Variants in CYSLTR2 observed in about 807,000 individuals in gnomAD.
CYSLTR2 encodes G-protein coupled receptor GPCR21.
For synonymous variants in CYSLTR2, 179 were observed against 160.8 expected (o/e 1.11, Z -0.86); for missense variants, 398 against 411.9 (o/e 0.97, Z 0.29).
intron 4 of CYSLTR2, among the ~76,000 whole-genome samples, chr13:48,697,443 A>C (rs979913135): frequency 2.6e-5 from 4 of 152,214 alleles, no homozygotes; most frequent in African/African-American, 4.8e-5. Context: ...CCTGCAGCTG[A>C]GGGTCCTGAC....
At chr13:48,693,116 A>G (rs189615312) in intron 2 of CYSLTR2, among the ~76,000 whole-genome samples, 2 of 151,774 alleles carry the variant, frequency 1.3e-5, no homozygotes, top group African/African-American at 4.8e-5. Flanking sequence ...AATTTTATAT[A>G]TATTAAAATA....
chr13:48,664,619 C>T (rs1300844848), intron 1 of CYSLTR2, among the ~76,000 whole-genome samples: 1 of 151,784 alleles, frequency 6.6e-6, no homozygotes, highest in Non-Finnish European at 1.5e-5. Flanking sequence ...TATAATTGTT[C>T]ATGGTAGTAT....
At chr13:48,662,728 C>A (rs1481591269) in intron 1 of CYSLTR2, among the ~76,000 whole-genome samples, 1 of 152,036 alleles carries the variant, frequency 6.6e-6, no homozygotes, top group Non-Finnish European at 1.5e-5. Context: ...TGTTTGAGTA[C>A]CTTGTATATT....
At chr13:48,683,881 C>G (rs1200633474) in intron 1 of CYSLTR2, among the ~76,000 whole-genome samples, 2 of 152,108 alleles carry the variant, frequency 1.3e-5, no homozygotes, top group Non-Finnish European at 2.9e-5. Flanking sequence ...TTCAACTTTC[C>G]TTTTATTGCA....
chr13:48,678,957 GC>G (rs1244246538), intron 1 of CYSLTR2, among the ~76,000 whole-genome samples: 7 of 151,998 alleles, frequency 4.6e-5, no homozygotes, highest in African/African-American at 1.7e-4. Context: ...CTCATCTGCT[GC>G]CAGTGTCACC....
chr13:48,707,199 T>C lies in CYSLTR2; in HGVS notation c.382T>C (p.Phe128Leu). 6.2e-7 allele frequency: 1 copy of C among 1,614,218 alleles called. No individual in the cohort carries two copies. The highest frequency in any genetic ancestry group is 8.5e-7 in the Non-Finnish European group (1 of 1,180,048). ...LYVNMYSSIY[F>L]LTVLSVVRFL... Reference sequence around the variant, plus strand: ...TGTCAACATGTACAGCAGTATTTATTTCCTGACCGTGCTGAGTGTTGTGCG... The same window carrying C: ...TGTCAACATGTACAGCAGTATTTATCTCCTGACCGTGCTGAGTGTTGTGCG... Residue 128 changes from phenylalanine (F) to leucine (L), a missense_variant, in exon 5 of 5, where the codon TTC becomes CTC. Physicochemically the swap from Phe to Leu is conservative, Grantham distance 22 (BLOSUM62 0). Transcript: ENST00000682523.
chr13:48,683,757 T>A (rs919078186), intron 1 of CYSLTR2, among the ~76,000 whole-genome samples: 17 of 152,352 alleles, frequency 1.1e-4, no homozygotes, highest in Admixed American at 3.3e-4. Context: ...TTTATCAATT[T>A]TTGCTTTTGT....
At chr13:48,675,418 C>T (rs1209927796) in intron 1 of CYSLTR2, among the ~76,000 whole-genome samples, 1 of 152,170 alleles carries the variant, frequency 6.6e-6, no homozygotes, top group Non-Finnish European at 1.5e-5. Context: ...GTTCGAACTT[C>T]CTGTCAGCTT....
intron 1 of CYSLTR2, among the ~76,000 whole-genome samples, chr13:48,667,457 T>A (rs1953294880): frequency 6.6e-6 from 1 of 152,166 alleles, no homozygotes; most frequent in Non-Finnish European, 1.5e-5. Context: ...ACATAGCTGC[T>A]TGGATGGCCT....
chr13:48,683,707 C>A (rs1044374383), intron 1 of CYSLTR2, among the ~76,000 whole-genome samples: 2 of 152,010 alleles, frequency 1.3e-5, no homozygotes, highest in African/African-American at 2.4e-5. Flanking sequence ...TTGATAGTTT[C>A]TTTTGCTGTG....
chr13:48,693,774 A>T (rs1054852787), intron 3 of CYSLTR2, among the ~76,000 whole-genome samples: 2 of 152,246 alleles, frequency 1.3e-5, no homozygotes, highest in African/African-American at 2.4e-5. Context: ...CTAATTCCTA[A>T]AGTATGGAAA....
In CYSLTR2 at chr13:48,707,208, G is replaced by T. The variant is rs202077345; in HGVS notation, c.391G>T (p.Val131Leu). ...NMYSSIYFLT[V>L]LSVVRFLAMV... The stretch of plus-strand genomic sequence containing the variant: ...GTACAGCAGTATTTATTTCCTGACC[G>T]TGCTGAGTGTTGTGCGTTTCCTGGC... Residue 131 changes from valine (V) to leucine (L), a missense_variant, in exon 5 of 5, where the codon GTG becomes TTG. Coordinates refer to ENST00000682523, the MANE Select transcript of CYSLTR2 (RefSeq NM_001308476.3). 6.2e-7 allele frequency: 1 copy of T among 1,614,050 alleles called. No individual in the cohort carries two copies.
intron 1 of CYSLTR2, among the ~76,000 whole-genome samples, chr13:48,667,640 A>G (rs1953300773): frequency 6.6e-6 from 1 of 152,172 alleles, no homozygotes; most frequent in African/African-American, 2.4e-5. Flanking sequence ...GGCATGACCT[A>G]TGGGGATGTT....
intron 4 of CYSLTR2, among the ~76,000 whole-genome samples, chr13:48,699,450 A>G (rs1015945259): frequency 6.6e-6 from 1 of 152,228 alleles, no homozygotes; most frequent in African/African-American, 2.4e-5. Flanking sequence ...AGGCAGAAAT[A>G]AAGATGTTCT....
At position 48,710,107 on chromosome 13, in the gene CYSLTR2, GAAT is replaced by G. The variant is rs1323369593; in HGVS notation, c.*2254_*2256del. 1 of 152,186 alleles carries G rather than the reference GAAT, an allele frequency of 6.6e-6. No homozygotes were observed. Among genetic ancestry groups the G allele is most frequent in the African/African-American group, 2.4e-5 (1 of 41,430 alleles). 9.4% of individuals were successfully genotyped at this position (152,186 alleles called of 1,614,324 possible). A position where few individuals can be genotyped will look rare whatever the true frequency, so the allele number is the denominator to read the frequency against. On this transcript the variant is annotated 3_prime_UTR_variant, in exon 5 of 5. Coordinates refer to ENST00000682523, the MANE Select transcript of CYSLTR2 (RefSeq NM_001308476.3). ...ACAGTACACTACATGGCTCAGCTGT[GAAT>G]AATATTTACATAGAGGATAATGTGA...
At chr13:48,657,410 T>G (rs934133313) in intron 1 of CYSLTR2, among the ~76,000 whole-genome samples, 2 of 151,848 alleles carry the variant, frequency 1.3e-5, no homozygotes, top group Non-Finnish European at 2.9e-5. Context: ...TTTTGCCTCT[T>G]TAGTGTAAAG....
intron 1 of CYSLTR2, among the ~76,000 whole-genome samples, chr13:48,666,431 A>G (rs528535754): frequency 1.4e-4 from 21 of 152,196 alleles, no homozygotes; most frequent in African/African-American, 4.8e-4. Flanking sequence ...TTGGACCTGG[A>G]TGCCCATCTC....
rs907773090 is a variant in CYSLTR2, at chr13:48,707,550, G to A, written c.733G>A (p.Ala245Thr). The stretch of plus-strand genomic sequence containing the variant: ...GGGGCTGCGGGTTTCTCACAGGAAG[G>A]CACTGACCACCATCATCATCACCTT... ...ESGLRVSHRK[A>T]LTTIIITLII... The change falls in exon 5 of 5, where the codon GCA (alanine) becomes ACA (threonine). Residue 245 changes from alanine to threonine, a missense_variant. Physicochemically the swap from Ala to Thr is moderately conservative, Grantham distance 58 (BLOSUM62 0). Coordinates refer to ENST00000682523, the MANE Select transcript of CYSLTR2 (RefSeq NM_001308476.3). The A allele has an allele frequency of 2.5e-6, 4 of 1,608,042 alleles. No homozygotes were observed. The highest frequency in any genetic ancestry group is 2.2e-5 in the East Asian group (1 of 44,896).
intron 4 of CYSLTR2, among the ~76,000 whole-genome samples, chr13:48,700,040 C>T (rs549238830): frequency 6.6e-6 from 1 of 152,026 alleles, no homozygotes; most frequent in South Asian, 2.1e-4. Context: ...TCCTACCAAC[C>T]AAAAAAAGTC....
Sources: allele counts gnomAD v4.1 joint callset (sites outside exome capture counted in the v4.1 genomes callset), GRCh38; gene constraint gnomAD v4.1.1; transcripts MANE v1.5; gene names NCBI Gene and HGNC (gene_info 2026-07-23, HGNC 2026-07-21).